COL2A1: variants seen among roughly 807,000 people sequenced by gnomAD.
COL2A1 encodes the protein collagen type II alpha 1 chain, also known as collagen alpha-1(II) chain.
In COL2A1, 28 loss-of-function variants were observed where a neutral mutation model predicts 204.5. The ratio of observed to expected loss-of-function variants is 0.14; its 90% CI spans 0.10 to 0.19. COL2A1 has a LOEUF of 0.19. Ranked by LOEUF, COL2A1 falls within the 10% of genes least tolerant of loss-of-function variation. The probability of loss-of-function intolerance (pLI) is 1.00; values close to 1 mark genes in which losing one functional copy is unlikely to be tolerated. For missense variants in COL2A1, 1,388 were observed against 2,027.5 expected, an observed-to-expected ratio of 0.68 and a Z score of 6.06; for synonymous variants, 708 against 718.7, an observed-to-expected ratio of 0.99 and a Z score of 0.24.
rs751542488 is a variant in COL2A1 at position 47,982,598 on chromosome 12, G to A, written c.2205C>T (p.Gly735=). ...PGTDGPKGAS[G]PAGPPGAQGP... ...CCTGAGCCCCAGGGGGGCCTGCTGGGCCAGATGCACCCTGGGGAGGGAGGT... is the reference window on the plus strand; with the variant it reads ...CCTGAGCCCCAGGGGGGCCTGCTGGACCAGATGCACCCTGGGGAGGGAGGT... The change falls in exon 34 of 54, where the codon GGC becomes GGT. Residue 735 remains glycine, a synonymous_variant. Transcript: ENST00000380518. 2 of 1,612,286 alleles carry A rather than the reference G, an allele frequency of 1.2e-6. No individual in the cohort carries two copies. Among genetic ancestry groups the A allele is most frequent in the African/African-American group, 2.7e-5 (2 of 74,984 alleles).
Position 47,987,244 on chromosome 12 carries a change from A to T in COL2A1, c.1266+25T>A. ...AGGCAGGACTGGGCTCTCCTGGGGT[A>T]GCAAAGTCCACGGGCAACACTCACA... On this transcript the variant is annotated intron_variant, in intron 20 of 53. Coordinates refer to ENST00000380518, the MANE Select transcript of COL2A1 (RefSeq NM_001844.5). The surrounding 1 kb of genome is among the most constrained non-coding windows in gnomAD (Gnocchi z 4.1). 6.2e-7 allele frequency: 1 copy of T among 1,613,990 alleles called. No homozygotes were observed. The highest frequency in any genetic ancestry group is 8.5e-7 in the Non-Finnish European group (1 of 1,179,918).
At chr12:47,982,645 A>C in intron 33 of COL2A1, 36 bp from the exon 34 acceptor site, 1 of 1,489,712 alleles carries the variant, frequency 6.7e-7, no homozygotes, top group Non-Finnish European at 9.3e-7. Context: ...TGTAGTGGAC[A>C]GCACCTCTCC....
intron 16 of COL2A1, 68 bp from the exon 17 acceptor site, chr12:47,989,873 C>G (rs1437774991): frequency 6.7e-7 from 1 of 1,490,242 alleles, no homozygotes; most frequent in Non-Finnish European, 9.3e-7. Context: ...TCCCAGCCCA[C>G]CCTTACAGAA....
At chr12:47,999,681 C>A (rs2136635629) in intron 2 of COL2A1, 3 of 319,040 alleles carry the variant, frequency 9.4e-6, no homozygotes, top group Non-Finnish European at 1.1e-5. Flanking sequence ...CTTCATGTGT[C>A]TTGGAAGCAA....
Position 47,984,884 on chromosome 12 carries a change from C to T in COL2A1, c.1833+111G>A, listed in dbSNP as rs950616295. 3.2e-6 allele frequency: 3 copies of T among 943,550 alleles called. No individual in the cohort carries two copies. In the African/African-American group the frequency reaches 4.9e-5, roughly 15 times the overall value. 58.4% of individuals were successfully genotyped at this position (943,550 alleles called of 1,614,324 possible). On this transcript the variant is annotated intron_variant, in intron 27 of 53. Coordinates refer to ENST00000380518, the MANE Select transcript of COL2A1 (RefSeq NM_001844.5). ...TGCCACCCATGGCACAGGAGCCCCA[C>T]TCATCACTGTCCCTGGTTAAACTCT...
rs149618846 is a variant in COL2A1 at position 47,997,304 on chromosome 12, C to T, written c.531+302G>A. Among the ~76,000 whole-genome samples, 605 of 152,322 alleles carry T rather than the reference C, an allele frequency of 4.0e-3. 2 individuals carry two copies. The highest frequency in any genetic ancestry group is 6.6e-3 in the Non-Finnish European group (451 of 68,024). Reference sequence around the variant, plus strand: ...AGGGAAATACAAGTGCCCAGTCATCCTTCCTCCTATCCCTTACACCCACCC... The same window carrying T: ...AGGGAAATACAAGTGCCCAGTCATCTTTCCTCCTATCCCTTACACCCACCC... On this transcript the variant is annotated intron_variant, in intron 7 of 53. Coordinates refer to ENST00000380518, the MANE Select transcript of COL2A1 (RefSeq NM_001844.5).
chr12:47,975,195 C>A, intron 51 of COL2A1, 122 bp downstream of exon 51: 1 of 1,279,314 alleles, frequency 7.8e-7, no homozygotes, highest in Non-Finnish European at 1.1e-6. Flanking sequence ...GAGAGGAACC[C>A]TCTGGCGGAA....
chr12:47,993,231 C>T (rs1254840752), intron 15 of COL2A1, among the ~76,000 whole-genome samples: 1 of 152,210 alleles, frequency 6.6e-6, no homozygotes, highest in East Asian at 1.9e-4. Context: ...TGAGACTCAA[C>T]AGAATTTTTT....
chr12:48,005,025 C>A (rs1171712078), upstream of COL2A1, among the ~76,000 whole-genome samples: 3 of 152,194 alleles, frequency 2.0e-5, no homozygotes, highest in Non-Finnish European at 2.9e-5. Context: ...TGAGCCAGAT[C>A]TGAAGGGTTA....
Position 47,981,404 on chromosome 12 carries a change from T to C in COL2A1, c.2410-8A>G, listed in dbSNP as rs1321124840. 1.9e-6 allele frequency: 3 copies of C among 1,608,590 alleles called. No individual in the cohort carries two copies. The African/African-American group carries it at 4.0e-5, about 22-fold the overall frequency. ...AGGAGGTCCAACTTCTCCCTGAGGG[T>C]GGGGAAGGGAGGAAGAGCTGGGGTA... On this transcript the variant is annotated splice_region_variant and splice_polypyrimidine_tract_variant and intron_variant, in intron 36 of 53. Coordinates refer to ENST00000380518, the MANE Select transcript of COL2A1 (RefSeq NM_001844.5).
At chr12:47,989,189 G>A (rs774064945) in intron 18 of COL2A1, 39 bp downstream of exon 18, 40 of 1,572,314 alleles carry the variant, frequency 2.5e-5, no homozygotes, top group Non-Finnish European at 3.4e-5. Flanking sequence ...ACAGCTTCTC[G>A]GCACCCAGAA....
In COL2A1 at chr12:47,983,941, AC is replaced by A. The variant is rs1005792532; in HGVS notation, c.1941+145del. The stretch of plus-strand genomic sequence containing the variant: ...GTGGGTCCACACAGCCTCCTGGGAC[AC>A]CCTGCCTCAGCTCAGAGTGAGTCTG... On this transcript the variant is annotated intron_variant, in intron 29 of 53. Transcript: ENST00000380518. 1.3e-5 allele frequency: 12 copies of A among 942,780 alleles called. No individual in the cohort carries two copies. In the African/African-American group the frequency reaches 2.0e-4, roughly 15 times the overall value. The allele number at this position is 942,780 out of a possible 1,614,324, so 58.4% of individuals were successfully genotyped here. A position where few individuals can be genotyped will look rare whatever the true frequency, so the allele number is the denominator to read the frequency against.
chr12:47,975,744 G>A, intron 50 of COL2A1, 139 bp from the exon 51 acceptor site: 1 of 929,612 alleles, frequency 1.1e-6, no homozygotes, highest in South Asian at 1.5e-5. Flanking sequence ...CGAGGACCAA[G>A]GAAACCACAG....
At chr12:47,999,678 T>C (rs1940140361) in intron 2 of COL2A1, 1 of 341,450 alleles carries the variant, frequency 2.9e-6, no homozygotes, top group Non-Finnish European at 5.3e-6. Flanking sequence ...GTCCTTCATG[T>C]GTCTTGGAAG....
chr12:47,989,336 G>C, intron 17 of COL2A1, 55 bp from the exon 18 acceptor site: 1 of 1,462,652 alleles, frequency 6.8e-7, no homozygotes, highest in South Asian at 1.2e-5. Context: ...GGCCTCCAAA[G>C]CGAGCCACCC....
chr12:47,988,082 A>T (rs1409170905), intron 18 of COL2A1, among the ~76,000 whole-genome samples: 1 of 152,132 alleles, frequency 6.6e-6, no homozygotes, highest in Non-Finnish European at 1.5e-5. Context: ...ATGGACGGAC[A>T]CCGCTCTCTC....
Position 47,973,249 on chromosome 12 carries a change from G to A in COL2A1, c.*158C>T. ...CAGTCTGCCCAGTTCAGGTCTCTTA[G>A]AAAGAGAGGGGAGAAAAGTCCGAAC... On this transcript the variant is annotated 3_prime_UTR_variant, in exon 54 of 54. Transcript: ENST00000380518. 1.1e-6 allele frequency: 1 copy of A among 906,990 alleles called. No homozygotes were observed. The highest frequency in any genetic ancestry group is 1.8e-6 in the Non-Finnish European group (1 of 542,942). 56.2% of individuals were successfully genotyped at this position (906,990 alleles called of 1,614,324 possible).
intron 22 of COL2A1, 68 bp from the exon 23 acceptor site, chr12:47,986,511 AG>A: frequency 1.1e-6 from 1 of 937,924 alleles, no homozygotes; most frequent in Non-Finnish European, 1.7e-6. Context: ...CTCGACTCAG[AG>A]TATGAAGGAA....
intron 40 of COL2A1, among the ~76,000 whole-genome samples, 184 bp downstream of exon 40, chr12:47,979,825 G>A (rs56260758): frequency 6.6e-6 from 1 of 152,342 alleles, no homozygotes; most frequent in African/African-American, 2.4e-5. Context: ...GGGGAATCCG[G>A]GACCACAGTG....
Sources: gnomAD v4.1 joint callset for allele counts (sites outside exome capture counted in the v4.1 genomes callset) on GRCh38, gnomAD v4.1.1 for gene constraint, Gnocchi (gnomAD v3.1) non-coding constraint, MANE v1.5 for transcripts, NCBI Gene and HGNC (gene_info 2026-07-23, HGNC 2026-07-21) for gene names.